The following STK32A variants were observed in gnomAD, a reference collection of about 807,000 sequenced individuals.
STK32A encodes the protein serine/threonine kinase 32A, also known as serine/threonine-protein kinase 32A.
STK32A carries 41 observed loss-of-function variants against 53.2 expected under a neutral mutation model. The observed-to-expected ratio is 0.77, with a 90% CI of 0.60 to 1.00. The LOEUF is 1.00. Among genes scored for constraint, STK32A ranks in the 50% least tolerant of loss-of-function variants. The pLI is 0.00. For synonymous variants in STK32A, 166 were observed against 162.8 expected, an observed-to-expected ratio of 1.02 and a Z score of -0.15; for missense variants, 458 against 485.8, an observed-to-expected ratio of 0.94 and a Z score of 0.54.
chr5:147,376,761 A>G (rs1338962651), intron 11 of STK32A, among the ~76,000 whole-genome samples: 8 of 152,084 alleles, frequency 5.3e-5, no homozygotes, highest in Admixed American at 4.6e-4. Context: ...TCATCTTCAC[A>G]TAGGGGGCTT....
At chr5:147,323,748 G>A (rs1345524131) in intron 4 of STK32A, 150 bp from the exon 5 acceptor site, 2 of 607,164 alleles carry the variant, frequency 3.3e-6, no homozygotes, top group East Asian at 2.8e-5. Context: ...AAGGCCTAAG[G>A]TGATAGAGCT....
At position 147,334,711 on chromosome 5, in the gene STK32A, G is replaced by A. The variant is rs1051574752; in HGVS notation, c.435-8295G>A. ...CTTAGCATCATGATGCTGTCACAAT[G>A]GTTCAATGATAATTGAAAACATCGA... is the stretch of plus-strand genomic sequence containing the variant. On this transcript the variant is annotated intron_variant, in intron 5 of 12. Transcript: ENST00000397936. Among the ~76,000 whole-genome samples, 8 of 152,170 alleles carry A rather than the reference G, an allele frequency of 5.3e-5. 1 individual carries two copies. The South Asian group carries it at 1.7e-3, about 32-fold the overall frequency.
intron 2 of STK32A, among the ~76,000 whole-genome samples, chr5:147,244,454 C>T (rs1048488539): frequency 1.3e-5 from 2 of 152,224 alleles, no homozygotes; most frequent in African/African-American, 2.4e-5. Context: ...AACCATCATA[C>T]TGTCTTCTAC....
intron 8 of STK32A, among the ~76,000 whole-genome samples, chr5:147,367,522 G>C (rs180866299): frequency 1.3e-5 from 2 of 152,216 alleles, no homozygotes; most frequent in African/African-American, 4.8e-5. Flanking sequence ...AGGGAGATAG[G>C]AGTGGGGCCG....
chr5:147,394,226 T>A, the STK32A span: 1 of 1,165,718 alleles, frequency 8.6e-7, no homozygotes, highest in Non-Finnish European at 1.2e-6. Context: ...GTGCAAGATA[T>A]GAAGTGCCTT....
chr5:147,364,794 T>C (rs897846176), intron 8 of STK32A, among the ~76,000 whole-genome samples: 1 of 152,146 alleles, frequency 6.6e-6, no homozygotes, highest in Non-Finnish European at 1.5e-5. Context: ...CTAACCCTAA[T>C]TACCTCCCAA....
intron 5 of STK32A, among the ~76,000 whole-genome samples, chr5:147,334,327 T>A (rs531536063): frequency 2.6e-5 from 4 of 152,284 alleles, no homozygotes; most frequent in African/African-American, 9.6e-5. Flanking sequence ...CCTATTGGAG[T>A]TTTACTACGT....
intron 1 of STK32A, among the ~76,000 whole-genome samples, chr5:147,236,500 T>C (rs899850056): frequency 3.3e-5 from 5 of 152,020 alleles, no homozygotes; most frequent in African/African-American, 1.2e-4. Context: ...TCCATTTTCC[T>C]GCGAGAGAAA....
At chr5:147,374,207 A>T (rs1433305811) in intron 10 of STK32A, among the ~76,000 whole-genome samples, 2 of 151,202 alleles carry the variant, frequency 1.3e-5, no homozygotes, top group African/African-American at 2.4e-5. Context: ...AAGATCACTT[A>T]AGCCCAGGAG....
intron 4 of STK32A, among the ~76,000 whole-genome samples, chr5:147,292,551 C>T (rs11948296): frequency 0.33 from 50,762 of 152,026 alleles, 8,860 homozygotes; most frequent in South Asian, 0.6. Context: ...CAGCAATGTT[C>T]CAAACAAAAA....
intron 2 of STK32A, among the ~76,000 whole-genome samples, chr5:147,277,751 C>T (rs758717116): frequency 1.3e-5 from 2 of 152,144 alleles, no homozygotes; most frequent in Non-Finnish European, 2.9e-5. Flanking sequence ...GTCAAATTCT[C>T]TGTGATATGT....
intron 4 of STK32A, among the ~76,000 whole-genome samples, chr5:147,292,748 CT>C (rs766812980): frequency 2.6e-5 from 4 of 152,100 alleles, no homozygotes; most frequent in Admixed American, 6.5e-5. Context: ...GTAATCCCAG[CT>C]ACTCGGGAGG....
intron 9 of STK32A, among the ~76,000 whole-genome samples, chr5:147,372,269 C>CTTT (rs71274369): frequency 0.011 from 554 of 49,378 alleles, 52 homozygotes; most frequent in Middle Eastern, 0.071. Context: ...TGGGCTTGGC[C>CTTT]TTTTTTTTTT....
chr5:147,333,669 A>G (rs1754982142), intron 5 of STK32A, among the ~76,000 whole-genome samples: 1 of 152,038 alleles, frequency 6.6e-6, no homozygotes, highest in Admixed American at 6.6e-5. Context: ...AATTCTAGCT[A>G]CTCATTTATA....
At chr5:147,260,735 G>C (rs1043138392) in intron 2 of STK32A, among the ~76,000 whole-genome samples, 1 of 152,138 alleles carries the variant, frequency 6.6e-6, no homozygotes, top group Non-Finnish European at 1.5e-5. Flanking sequence ...GGCAGAATCA[G>C]GCCCCTCTTA....
intron 5 of STK32A, among the ~76,000 whole-genome samples, chr5:147,338,241 G>C (rs1755235701): frequency 6.6e-6 from 1 of 152,128 alleles, no homozygotes; most frequent in Admixed American, 6.6e-5. Flanking sequence ...GATAGTGGGT[G>C]AGTCTCATGA....
At chr5:147,348,271 T>C (rs1477856633) in intron 6 of STK32A, among the ~76,000 whole-genome samples, 2 of 152,148 alleles carry the variant, frequency 1.3e-5, no homozygotes, top group South Asian at 4.1e-4. Flanking sequence ...AAAAGGAAAA[T>C]ACTCAACATT....
At chr5:147,329,006 A>G (rs1433239030) in intron 5 of STK32A, among the ~76,000 whole-genome samples, 6 of 152,192 alleles carry the variant, frequency 3.9e-5, no homozygotes, top group African/African-American at 7.2e-5. Context: ...GTTATAACTC[A>G]CTGTTTGCTA....
At chr5:147,383,866 CTTT>C (rs746149005) in intron 12 of STK32A, 21 bp from the exon 13 acceptor site, 3 of 1,416,702 alleles carry the variant, frequency 2.1e-6, no homozygotes, top group Non-Finnish European at 2.9e-6. Context: ...AATAAAACAT[CTTT>C]TTTTTTCTTT....
Sources: allele counts gnomAD v4.1 joint callset (sites outside exome capture counted in the v4.1 genomes callset), GRCh38; gene constraint gnomAD v4.1.1; transcripts MANE v1.5; gene names NCBI Gene and HGNC (gene_info 2026-07-23, HGNC 2026-07-21).